CDH8: variants seen among roughly 807,000 people sequenced by gnomAD.
The protein encoded by CDH8 is cadherin-8.
CDH8 carries 17 observed loss-of-function variants against 68.1 expected under a neutral mutation model. The ratio of observed to expected loss-of-function variants is 0.25; its 90% CI spans 0.17 to 0.37. The LOEUF is 0.37. Among genes scored for constraint, CDH8 ranks in the 10% least tolerant of loss-of-function variants. CDH8 has a pLI of 1.00. For synonymous variants in CDH8, 372 were observed against 365.1 expected (o/e 1.02, Z -0.21); for missense variants, 763 against 999.3 (o/e 0.76, Z 3.19).
At position 61,856,968 on chromosome 16, in the gene CDH8, G is replaced by C. The variant is rs1033557012; in HGVS notation, c.667+151C>G. The C allele has an allele frequency of 2.5e-5, 21 of 837,960 alleles. No individual in the cohort carries two copies. The African/African-American group carries it at 2.9e-4, about 12-fold the overall frequency. 51.9% of individuals were successfully genotyped at this position (837,960 alleles called of 1,614,324 possible). A position where few individuals can be genotyped will look rare whatever the true frequency, so the allele number is the denominator to read the frequency against. ...TAATCAGCATCAAAAATGGTTGTAG[G>C]GCTCACTGTGTACCTCATGTCGCAT... On this transcript the variant is annotated intron_variant, in intron 4 of 11. Transcript: ENST00000577390.
chr16:61,673,581 TA>T (rs1193745672), intron 10 of CDH8, among the ~76,000 whole-genome samples: 1 of 152,130 alleles, frequency 6.6e-6, no homozygotes, highest in Non-Finnish European at 1.5e-5. Context: ...ATATGTACAA[TA>T]AGTATAACTC....
intron 10 of CDH8, among the ~76,000 whole-genome samples, chr16:61,676,844 C>T (rs1963921871): frequency 6.6e-6 from 1 of 152,056 alleles, no homozygotes; most frequent in Non-Finnish European, 1.5e-5. Context: ...AATTCCCTCA[C>T]TGCTTGCTAC....
At position 61,653,783 on chromosome 16, in the gene CDH8, T is replaced by A; in HGVS notation, c.2225A>T (p.Asp742Val). 6.2e-7 allele frequency: 1 copy of A among 1,614,056 alleles called. No homozygotes were observed. The highest frequency in any genetic ancestry group is 8.5e-7 in the Non-Finnish European group (1 of 1,179,992). ...ADNDPTAPPY[D>V]SIQIYGYEGR... is the part of the protein sequence containing the mutation. ...TTCATAGCCATATATCTGAATGGAGTCATATGGCGGGGCCGTGGGATCATT... is the reference window on the plus strand; with the variant it reads ...TTCATAGCCATATATCTGAATGGAGACATATGGCGGGGCCGTGGGATCATT... Residue 742 changes from aspartate to valine, a missense_variant, in exon 12 of 12, where the codon GAC (aspartate) becomes GTC (valine). By Grantham distance (152) the Asp-to-Val change is radical. This residue lies in a region of CDH8 where 397 missense variants were observed against 436.2 expected (regional missense o/e 0.91). Coordinates refer to ENST00000577390, the MANE Select transcript of CDH8 (RefSeq NM_001796.5).
intron 7 of CDH8, among the ~76,000 whole-genome samples, chr16:61,807,216 A>C (rs925253041): frequency 6.6e-6 from 1 of 151,008 alleles, no homozygotes; most frequent in East Asian, 2.0e-4. Context: ...GTAAACTATC[A>C]CAAGAACAAA....
At chr16:62,020,495 C>CGT (rs1321772709) in intron 2 of CDH8, among the ~76,000 whole-genome samples, 2 of 80,044 alleles carry the variant, frequency 2.5e-5, no homozygotes, top group African/African-American at 8.1e-5. Flanking sequence ...CACACGCGCG[C>CGT]GCGCACACAC....
At chr16:61,917,922 G>C (rs932122441) in intron 2 of CDH8, among the ~76,000 whole-genome samples, 2 of 144,266 alleles carry the variant, frequency 1.4e-5, no homozygotes, top group Admixed American at 7.0e-5. Flanking sequence ...GACCCCTGGC[G>C]ATCTCTAAGA....
At chr16:61,958,501 C>T (rs916878579) in intron 2 of CDH8, among the ~76,000 whole-genome samples, 2 of 152,098 alleles carry the variant, frequency 1.3e-5, no homozygotes, top group African/African-American at 4.8e-5. Context: ...TTGTCAAAGC[C>T]TTTTGTATAC....
intron 9 of CDH8, among the ~76,000 whole-genome samples, chr16:61,717,547 ATATAT>A (rs1017969731): frequency 1.4e-4 from 21 of 151,774 alleles, no homozygotes; most frequent in Admixed American, 9.2e-4. Flanking sequence ...TAACTCAAAA[ATATAT>A]TATAGTAGCA....
chr16:61,683,509 T>A (rs1964049899), intron 10 of CDH8, among the ~76,000 whole-genome samples: 1 of 152,044 alleles, frequency 6.6e-6, no homozygotes, highest in South Asian at 2.1e-4. Context: ...TTTGGCTTGC[T>A]CTAACCAGTC....
At chr16:61,712,228 C>G (rs1250371949) in intron 10 of CDH8, among the ~76,000 whole-genome samples, 1 of 151,592 alleles carries the variant, frequency 6.6e-6, no homozygotes, top group Non-Finnish European at 1.5e-5. Flanking sequence ...AATTAAATCT[C>G]CTGTTTAAAA....
chr16:61,723,116 C>T (rs1349169571), intron 9 of CDH8, among the ~76,000 whole-genome samples: 1 of 150,694 alleles, frequency 6.6e-6, no homozygotes, highest in East Asian at 1.9e-4. Context: ...ACTGATAGAT[C>T]ATCCAGAGAA....
intron 8 of CDH8, among the ~76,000 whole-genome samples, chr16:61,779,625 G>C (rs1022914854): frequency 6.6e-6 from 1 of 152,110 alleles, no homozygotes; most frequent in South Asian, 2.1e-4. Context: ...GGTCTGCTTT[G>C]AAAAACAGCC....
intron 2 of CDH8, among the ~76,000 whole-genome samples, chr16:61,991,053 T>C (rs1965712025): frequency 6.6e-6 from 1 of 152,128 alleles, no homozygotes; most frequent in East Asian, 1.9e-4. Flanking sequence ...AAGTTGCACA[T>C]TAGTTGAATA....
intron 8 of CDH8, among the ~76,000 whole-genome samples, chr16:61,782,446 G>T (rs1596962928): frequency 1.3e-5 from 2 of 152,088 alleles, no homozygotes; most frequent in African/African-American, 2.4e-5. Flanking sequence ...CTACGCCCAC[G>T]GAGTCTCGCT....
intron 9 of CDH8, among the ~76,000 whole-genome samples, chr16:61,723,292 T>C (rs1206978043): frequency 1.3e-5 from 2 of 150,640 alleles, no homozygotes; most frequent in Admixed American, 1.3e-4. Context: ...GTTCTGAGTG[T>C]GGGGTTGTCA....
chr16:61,688,855 A>G (rs1026143358), intron 10 of CDH8, among the ~76,000 whole-genome samples: 2 of 151,938 alleles, frequency 1.3e-5, no homozygotes, highest in Non-Finnish European at 2.9e-5. Context: ...TCAATGGAAT[A>G]AAAAATCTCG....
chr16:61,789,530 A>G (rs779633275), intron 7 of CDH8, 48 bp from the exon 8 acceptor site: 2 of 1,568,962 alleles, frequency 1.3e-6, no homozygotes, highest in Non-Finnish European at 1.7e-6. Context: ...TATATGATCC[A>G]TACATTCCAC....
intron 5 of CDH8, among the ~76,000 whole-genome samples, chr16:61,823,832 A>G (rs938237972): frequency 5.3e-5 from 8 of 151,928 alleles, no homozygotes; most frequent in African/African-American, 9.7e-5. Context: ...CTCCAGCTGC[A>G]GTGAAATTAT....
In CDH8 at chr16:61,995,439, A is replaced by G. The variant is rs1965791743; in HGVS notation, c.252+25713T>C. 2.0e-5 allele frequency among the ~76,000 whole-genome samples: 3 copies of G among 152,088 alleles called. No individual in the cohort carries two copies. In the South Asian group the frequency reaches 6.2e-4, roughly 32 times the overall value. ...GTCACCCAGGCTGGAGTGCAGTGGC[A>G]CGATCTCGGCTCACTGCAACCTCAG... On this transcript the variant is annotated intron_variant, in intron 2 of 11. Coordinates refer to ENST00000577390, the MANE Select transcript of CDH8 (RefSeq NM_001796.5).
Sources: allele counts gnomAD v4.1 joint callset (sites outside exome capture counted in the v4.1 genomes callset), GRCh38; gene constraint gnomAD v4.1.1; regional missense constraint gnomAD v4.1.1; transcripts MANE v1.5; gene names NCBI Gene and HGNC (gene_info 2026-07-23, HGNC 2026-07-21).